Variants in LRP3 observed in about 807,000 individuals in gnomAD.
LRP3 encodes the protein low-density lipoprotein receptor-related protein 3.
A neutral mutation model predicts 58.5 loss-of-function variants in LRP3; 49 were observed. The observed-to-expected ratio is 0.84, with a 90% CI of 0.67 to 1.06. The LOEUF (loss-of-function observed/expected upper bound fraction) is 1.06, where lower values mean the gene tolerates loss of function less well. LRP3 is among the 50% of genes least tolerant of loss of function. The probability of loss-of-function intolerance (pLI) is 0.00; values close to 1 mark genes in which losing one functional copy is unlikely to be tolerated. For missense variants in LRP3, 1,019 were observed against 1,134.2 expected, an observed-to-expected ratio of 0.90 and a Z score of 1.46; for synonymous variants, 485 against 492.2, an observed-to-expected ratio of 0.99 and a Z score of 0.20.
chr19:33,195,486 CT>C (rs1470778977), intron 1 of LRP3, among the ~76,000 whole-genome samples: 1 of 152,234 alleles, frequency 6.6e-6, no homozygotes, highest in Non-Finnish European at 1.5e-5. Context: ...CTTTCCAGCG[CT>C]CTGTGTAGGC....
intron 2 of LRP3, among the ~76,000 whole-genome samples, chr19:33,201,989 A>C (rs1248640141): frequency 6.6e-6 from 1 of 152,182 alleles, no homozygotes; most frequent in Non-Finnish European, 1.5e-5. Context: ...TTGGCACTCC[A>C]TGAGTGCATG....
In LRP3 at chr19:33,205,475, C is replaced by A. The variant is rs754839310; in HGVS notation, c.705C>A (p.Asp235Glu). 1.9e-6 allele frequency: 3 copies of A among 1,584,498 alleles called. No homozygotes were observed. The African/African-American group carries it at 4.0e-5, about 21-fold the overall frequency. ...GCCTGCCTGTGGAGCGGCGCTGTGACGGCTTGCAGGACTGCGGCGACGGCT... is the reference window on the plus strand; with the variant it reads ...GCCTGCCTGTGGAGCGGCGCTGTGAAGGCTTGCAGGACTGCGGCGACGGCT... ...TRCLPVERRC[D>E]GLQDCGDGSD... is the part of the protein sequence containing the mutation. Residue 235 changes from aspartate to glutamate, a missense_variant, in exon 5 of 7, where the codon GAC becomes GAA. Transcript: ENST00000253193.
chr19:33,199,607 C>T (rs935936389), intron 2 of LRP3, among the ~76,000 whole-genome samples: 3 of 152,220 alleles, frequency 2.0e-5, no homozygotes, highest in Non-Finnish European at 2.9e-5. Flanking sequence ...TCTGCCAACC[C>T]GCTTTGGAGA....
rs899537120 is a variant in LRP3, at chr19:33,207,075, G to A, written c.1813G>A (p.Gly605Ser). Residue 605 changes from glycine to serine, a missense_variant, in exon 7 of 7, where the codon GGC becomes AGC. Physicochemically the swap from Gly to Ser is moderately conservative, Grantham distance 56. Around this residue, in one of 2 missense-constraint regions of LRP3, gnomAD observed 427 missense variants for 408.6 expected, o/e 1.04. Transcript: ENST00000253193. ...SRRGPSRRRL[G>S]RLWNRLFHRP... is the part of the protein sequence containing the mutation. ...CCGGGGGCCCTCCCGCCGCCGCCTCGGCCGCCTCTGGAACCGGCTCTTTCA... is the reference window on the plus strand; with the variant it reads ...CCGGGGGCCCTCCCGCCGCCGCCTCAGCCGCCTCTGGAACCGGCTCTTTCA... 16 of 1,503,508 alleles carry A rather than the reference G, an allele frequency of 1.1e-5. No homozygotes were observed. In the Admixed American group the frequency reaches 1.2e-4, roughly 11 times the overall value. The allele number at this position is 1,503,508 out of a possible 1,614,324, so 93.1% of individuals were successfully genotyped here. A position where few individuals can be genotyped will look rare whatever the true frequency, so the allele number is the denominator to read the frequency against.
At chr19:33,204,949 G>A (rs112316673) in intron 4 of LRP3, 97 bp downstream of exon 4, 11 of 1,162,584 alleles carry the variant, frequency 9.5e-6, no homozygotes, top group Admixed American at 2.2e-5. Flanking sequence ...ACAGGGCCCC[G>A]GCTCCCTGTG....
chr19:33,205,526 G>C lies in LRP3; in HGVS notation c.756G>C (p.Leu252=). ...CGGATGAGGCGGGCTGCCCCGACCT[G>C]GCGTGCGGCCGGCGGCTGGGCAGCT... ...DGSDEAGCPD[L]ACGRRLGSFY... is the part of the protein sequence containing the mutation. The change falls in exon 5 of 7, where the codon CTG becomes CTC. Residue 252 remains leucine, a synonymous_variant. Transcript: ENST00000253193. 6.4e-7 allele frequency: 1 copy of C among 1,567,170 alleles called. No individual in the cohort carries two copies. Among genetic ancestry groups the C allele is most frequent in the Non-Finnish European group, 8.6e-7 (1 of 1,160,390 alleles).
intron 2 of LRP3, among the ~76,000 whole-genome samples, chr19:33,199,937 TCTGTCCCCTAGGGGAGGC>T (rs909420471): frequency 1.3e-5 from 2 of 152,192 alleles, no homozygotes; most frequent in African/African-American, 4.8e-5. Context: ...CAGGTCTATG[TCTGTCCCCTAGGGGAGGC>T]CTCTGGGGCT....
intron 2 of LRP3, among the ~76,000 whole-genome samples, chr19:33,198,505 ACT>A (rs1477975729): frequency 6.6e-6 from 1 of 151,792 alleles, no homozygotes; most frequent in African/African-American, 2.4e-5. Flanking sequence ...CAGCTCCATG[ACT>A]CTGCATTTCC....
chr19:33,202,010 G>A (rs898005352), intron 2 of LRP3, among the ~76,000 whole-genome samples: 1 of 152,190 alleles, frequency 6.6e-6, no homozygotes, highest in African/African-American at 2.4e-5. Flanking sequence ...CTGGCTCAGT[G>A]CTGCAGCAAG....
intron 3 of LRP3, 107 bp downstream of exon 3, chr19:33,203,093 G>A (rs1225922192): frequency 2.3e-6 from 3 of 1,330,422 alleles, no homozygotes; most frequent in Non-Finnish European, 3.1e-6. Context: ...GCCTGAGGGT[G>A]TACATGTGTG....
rs113136121 is a variant in LRP3 at position 33,207,749 on chromosome 19, C to CG, written c.*176dup. On this transcript the variant is annotated 3_prime_UTR_variant, in exon 7 of 7. Coordinates refer to ENST00000253193, the MANE Select transcript of LRP3 (RefSeq NM_002333.4). ...GGTGGGCGGGAGCTGTGGGACTGAA[C>CG]GGCGGGGGGGAGAAGAGTGGAGTGG... 93 of 593,950 alleles carry CG rather than the reference C, an allele frequency of 1.6e-4. No homozygotes were observed. Among genetic ancestry groups the CG allele is most frequent in the East Asian group, 8.0e-4 (28 of 35,148 alleles). 36.8% of individuals were successfully genotyped at this position (593,950 alleles called of 1,614,324 possible).
At chr19:33,206,876 AGGT>A (rs1332559035) in intron 6 of LRP3, 109 bp from the exon 7 acceptor site, 1 of 1,208,490 alleles carries the variant, frequency 8.3e-7, no homozygotes, top group Non-Finnish European at 1.1e-6. Context: ...GGGGTGGACA[AGGT>A]GGTCTCTCGG....
rs758715647 is a variant in LRP3, at chr19:33,204,669, C to G, written c.292C>G (p.Gln98Glu). The change falls in exon 4 of 7, where the codon CAG becomes GAG. Residue 98 changes from glutamine (Q) to glutamate (E), a missense_variant. Coordinates refer to ENST00000253193, the MANE Select transcript of LRP3 (RefSeq NM_002333.4). ...CAACTTTGACGTGGAGGAGTCCCACCAGTGCTCCCTGGACTGGCTCCTGCT... is the reference window on the plus strand; with the variant it reads ...CAACTTTGACGTGGAGGAGTCCCACGAGTGCTCCCTGGACTGGCTCCTGCT... ...FRNFDVEESH[Q>E]CSLDWLLLGP... 5 of 1,608,118 alleles carry G rather than the reference C, an allele frequency of 3.1e-6. No homozygotes were observed. Among genetic ancestry groups the G allele is most frequent in the Non-Finnish European group, 4.2e-6 (5 of 1,179,868 alleles).
At chr19:33,198,439 A>G (rs1250542704) in intron 2 of LRP3, among the ~76,000 whole-genome samples, 1 of 151,978 alleles carries the variant, frequency 6.6e-6, no homozygotes, top group Non-Finnish European at 1.5e-5. Context: ...TCCACTTCTG[A>G]CACCTCCAGC....
rs925713294 is a variant in LRP3, at chr19:33,194,493, G to A, written c.-293G>A. 9 of 144,612 alleles carry A rather than the reference G, an allele frequency of 6.2e-5. No homozygotes were observed. Among genetic ancestry groups the A allele is most frequent in the Non-Finnish European group, 1.1e-4 (7 of 65,226 alleles). 9.0% of individuals were successfully genotyped at this position (144,612 alleles called of 1,614,324 possible). A position where few individuals can be genotyped will look rare whatever the true frequency, so the allele number is the denominator to read the frequency against. On this transcript the variant is annotated 5_prime_UTR_variant, in exon 1 of 7. Coordinates refer to ENST00000253193, the MANE Select transcript of LRP3 (RefSeq NM_002333.4). ...GCCGCGGCGGGGCTCCCGGGGCGCG[G>A]GGGCAGCGGCGGGCGGGGGTCTTCC...
Position 33,205,533 on chromosome 19 carries a change from G to A in LRP3, c.763G>A (p.Gly255Ser), listed in dbSNP as rs754749626. 13 of 1,576,396 alleles carry A rather than the reference G, an allele frequency of 8.2e-6. No homozygotes were observed. Among genetic ancestry groups the A allele is most frequent in the African/African-American group, 1.3e-5 (1 of 74,356 alleles). Residue 255 changes from glycine to serine, a missense_variant, in exon 5 of 7, where the codon GGC becomes AGC. By Grantham distance (56) the Gly-to-Ser change is moderately conservative. Coordinates refer to ENST00000253193, the MANE Select transcript of LRP3 (RefSeq NM_002333.4). ...DEAGCPDLAC[G>S]RRLGSFYGSF... ...GGCGGGCTGCCCCGACCTGGCGTGC[G>A]GCCGGCGGCTGGGCAGCTTCTACGG... is the stretch of plus-strand genomic sequence containing the variant.
rs1490692148 is a variant in LRP3 at position 33,206,660 on chromosome 19, C to T, written c.1652C>T (p.Pro551Leu). The change falls in exon 6 of 7, where the codon CCA (proline) becomes CTA (leucine). Residue 551 changes from proline (P) to leucine (L), a missense_variant. By Grantham distance (98) the Pro-to-Leu change is moderately conservative. Transcript: ENST00000253193. The stretch of plus-strand genomic sequence containing the variant: ...GAGTTCGTGCGGCGGGAGGCACCCC[C>T]ATCCTATGGTCAGCTCATCGCCCAG... ...EAEFVRREAP[P>L]SYGQLIAQGL... is the part of the protein sequence containing the mutation. 8 of 1,589,792 alleles carry T rather than the reference C, an allele frequency of 5.0e-6. No individual in the cohort carries two copies. The highest frequency in any genetic ancestry group is 6.8e-6 in the Non-Finnish European group (8 of 1,168,368).
At position 33,208,780 on chromosome 19, in the gene LRP3, A is replaced by C; in HGVS notation, c.*1205A>C. ...CCTTAAACAGGCTTCTGAGAGTCGT[A>C]TCTTTTTTCTTTTTTTTCCAGAAAA... On this transcript the variant is annotated 3_prime_UTR_variant, in exon 7 of 7. Coordinates refer to ENST00000253193, the MANE Select transcript of LRP3 (RefSeq NM_002333.4). This position sits in a 1 kb window ranked among gnomAD's most constrained non-coding sequence, Gnocchi z 4.7. 10 of 1,447,804 alleles carry C rather than the reference A, an allele frequency of 6.9e-6. No individual in the cohort carries two copies. The highest frequency in any genetic ancestry group is 1.2e-5 in the South Asian group (1 of 83,020). The allele number at this position is 1,447,804 out of a possible 1,614,324, so 89.7% of individuals were successfully genotyped here.
intron 2 of LRP3, 70 bp downstream of exon 2, chr19:33,196,847 GCCTTCAGGGT>G: frequency 7.2e-7 from 1 of 1,396,648 alleles, no homozygotes; most frequent in Non-Finnish European, 1.0e-6. Context: ...CTGAAGACAG[GCCTTCAGGGT>G]CCTGGCACTA....
Sources: allele counts gnomAD v4.1 joint callset (sites outside exome capture counted in the v4.1 genomes callset), GRCh38; gene constraint gnomAD v4.1.1; regional missense constraint gnomAD v4.1.1; non-coding constraint Gnocchi (gnomAD v3.1); transcripts MANE v1.5; gene names NCBI Gene and HGNC (gene_info 2026-07-23, HGNC 2026-07-21).